SHC2: variants seen among roughly 807,000 people sequenced by gnomAD.
SHC2 encodes the protein SHC-transforming protein 2.
Under a neutral mutation model 60.6 loss-of-function variants are expected in SHC2, and 62 were observed. That is an observed-to-expected ratio of 1.02 (90% CI 0.83 to 1.26). The LOEUF (loss-of-function observed/expected upper bound fraction) is 1.26. Among genes scored for constraint, SHC2 ranks in the 50% most tolerant of loss-of-function variants. The pLI is 0.00. For missense variants in SHC2, 873 were observed against 822.2 expected, an observed-to-expected ratio of 1.06 and a Z score of -0.76; for synonymous variants, 375 against 372.4, an observed-to-expected ratio of 1.01 and a Z score of -0.08.
rs201747989 is a variant in SHC2, at chr19:443,767, C to G, written c.469-2835G>C. 3.1e-4 allele frequency among the ~76,000 whole-genome samples: 23 copies of G among 74,718 alleles called. No individual in the cohort carries two copies. In the East Asian group the frequency reaches 3.6e-3, roughly 12 times the overall value. 49.0% of individuals were successfully genotyped at this position (74,718 alleles called of 152,430 possible). A position where few individuals can be genotyped will look rare whatever the true frequency, so the allele number is the denominator to read the frequency against. On this transcript the variant is annotated intron_variant, in intron 1 of 12. Coordinates refer to ENST00000264554, the MANE Select transcript of SHC2 (RefSeq NM_012435.3). Reference sequence around the variant, plus strand: ...ATGGACGGATGGTTGGATGGGTGGACAGATGGGTGGATGGATGGATGGATG... The same window carrying G: ...ATGGACGGATGGTTGGATGGGTGGAGAGATGGGTGGATGGATGGATGGATG...
At chr19:457,237 C>A (rs1376993750) in intron 1 of SHC2, among the ~76,000 whole-genome samples, 3 of 142,384 alleles carry the variant, frequency 2.1e-5, no homozygotes, top group Non-Finnish European at 4.7e-5. Flanking sequence ...TTTGCACCTG[C>A]ACCTGCTGTG....
intron 1 of SHC2, among the ~76,000 whole-genome samples, chr19:444,281 T>A (rs1471102814): frequency 6.6e-6 from 1 of 152,110 alleles, no homozygotes; most frequent in Non-Finnish European, 1.5e-5. Flanking sequence ...AGCACTGGAT[T>A]CTCCCACTGA....
Position 435,900 on chromosome 19 carries a change from T to C in SHC2, c.953+265A>G, listed in dbSNP as rs936804530. The C allele has an allele frequency of 4.7e-5, 21 of 443,714 alleles. No individual in the cohort carries two copies. In the South Asian group the frequency reaches 6.6e-4, roughly 14 times the overall value. 27.5% of individuals were successfully genotyped at this position (443,714 alleles called of 1,614,324 possible). On this transcript the variant is annotated intron_variant, in intron 7 of 12. Coordinates refer to ENST00000264554, the MANE Select transcript of SHC2 (RefSeq NM_012435.3). ...GCGTCTGGAGGAGGGATATTGGTTG[T>C]AGCAGCAGGGCTGACAGCCTCAGGC...
At position 440,245 on chromosome 19, in the gene SHC2, G is replaced by A. The variant is rs918502885; in HGVS notation, c.539+617C>T. ...GACGGGGAGTGGCTGTGATGGGGAC[G>A]GGGTGTTTTGATGGGGTAATGAGAA... On this transcript the variant is annotated intron_variant, in intron 2 of 12. Transcript: ENST00000264554. The surrounding 1 kb of genome is among the most constrained non-coding windows in gnomAD (Gnocchi z 7.0). 9.9e-5 allele frequency among the ~76,000 whole-genome samples: 15 copies of A among 151,906 alleles called. No homozygotes were observed. The highest frequency in any genetic ancestry group is 1.8e-4 in the Non-Finnish European group (12 of 67,974).
chr19:439,110 GC>G, intron 2 of SHC2, 80 bp from the exon 3 acceptor site: 1 of 508,632 alleles, frequency 2.0e-6, no homozygotes. Context: ...GTCAGAGAGG[GC>G]GGGGGTCTGG....
chr19:427,040 C>T (rs946088937), intron 9 of SHC2, among the ~76,000 whole-genome samples: 1 of 152,168 alleles, frequency 6.6e-6, no homozygotes, highest in Admixed American at 6.5e-5. Flanking sequence ...AGCCCCCGGT[C>T]CGGGGTGAGC....
intron 11 of SHC2, among the ~76,000 whole-genome samples, chr19:421,259 G>T (rs1220071902): frequency 6.6e-6 from 1 of 151,988 alleles, no homozygotes; most frequent in Non-Finnish European, 1.5e-5. Context: ...AATTAGCCGG[G>T]CGTGGTGGTG....
chr19:422,834 A>C lies in SHC2; in HGVS notation c.1310-378T>G. The C allele has an allele frequency of 5.4e-6, 1 of 183,748 alleles. No homozygotes were observed. The highest frequency in any genetic ancestry group is 1.1e-5 in the Non-Finnish European group (1 of 88,950). The allele number at this position is 183,748 out of a possible 1,614,324, so 11.4% of individuals were successfully genotyped here. A position where few individuals can be genotyped will look rare whatever the true frequency, so the allele number is the denominator to read the frequency against. ...TACTGCATTGGCCGCGGGGCCTCCAATGTGCCCTAAATACTCAAGACGACA... is the reference window on the plus strand; with the variant it reads ...TACTGCATTGGCCGCGGGGCCTCCACTGTGCCCTAAATACTCAAGACGACA... On this transcript the variant is annotated intron_variant, in intron 10 of 12. Transcript: ENST00000264554. This position sits in a 1 kb window ranked among gnomAD's most constrained non-coding sequence, Gnocchi z 5.0.
chr19:427,327 G>A (rs886220313), intron 9 of SHC2, among the ~76,000 whole-genome samples: 3 of 152,228 alleles, frequency 2.0e-5, no homozygotes, highest in Admixed American at 6.5e-5. Flanking sequence ...CCGGCGCTCC[G>A]TGACCCGGCA....
At chr19:436,495 C>A (rs750507934) in intron 5 of SHC2, 64 bp from the exon 6 acceptor site, 4 of 1,596,236 alleles carry the variant, frequency 2.5e-6, no homozygotes, top group African/African-American at 1.3e-5. Context: ...CAGCTGCCCA[C>A]CCCAGCAATG....
intron 1 of SHC2, among the ~76,000 whole-genome samples, chr19:456,485 A>T (rs1473502672): frequency 6.6e-6 from 1 of 150,988 alleles, no homozygotes; most frequent in Non-Finnish European, 1.5e-5. Flanking sequence ...GCCCTTCCAG[A>T]CCCTCCTCCT....
intron 2 of SHC2, among the ~76,000 whole-genome samples, chr19:439,784 G>A (rs552256426): frequency 1.3e-5 from 2 of 152,216 alleles, no homozygotes; most frequent in East Asian, 1.9e-4. Context: ...CCAACACTTG[G>A]GGAGGCTGAG....
chr19:426,820 G>A (rs1270347970), intron 9 of SHC2, among the ~76,000 whole-genome samples: 17 of 142,356 alleles, frequency 1.2e-4, no homozygotes, highest in Non-Finnish European at 2.6e-4. Flanking sequence ...ACCGAGAGGG[G>A]CAGAGTCCGG....
At chr19:456,341 TG>T (rs56364526) in intron 1 of SHC2, among the ~76,000 whole-genome samples, 152,086 of 152,086 alleles carry the variant, frequency 1, 76,043 homozygotes, top group Non-Finnish European at 1. Context: ...TCAGGCTCCC[TG>T]GGGGCCAGGG....
At chr19:419,400 C>T (rs1022130536) in intron 11 of SHC2, 6 of 228,430 alleles carry the variant, frequency 2.6e-5, no homozygotes, top group South Asian at 1.5e-4. Flanking sequence ...GGTCCTGGGA[C>T]GAATGCATCC....
In SHC2 at chr19:424,824, T is replaced by C. The variant is rs1166308439; in HGVS notation, c.1309+273A>G. ...AGGGGCTGGGCCTCACCCATTACAC[T>C]GCTCGGCCGCATTCGCTAGAGAGAA... On this transcript the variant is annotated intron_variant, in intron 10 of 12. Coordinates refer to ENST00000264554, the MANE Select transcript of SHC2 (RefSeq NM_012435.3). This position sits in a 1 kb window ranked among gnomAD's most constrained non-coding sequence, Gnocchi z 4.5. 6.6e-6 allele frequency among the ~76,000 whole-genome samples: 1 copy of C among 152,058 alleles called. No homozygotes were observed. The highest frequency in any genetic ancestry group is 1.5e-5 in the Non-Finnish European group (1 of 67,982).
rs1057513720 is a variant in SHC2, at chr19:438,521, G to A, written c.720+197C>T. ...GAGCGCCCCTGTATCAGGACGGCTC[G>A]CCCAGGTGGGAGCCCCTGAGCTGAG... is the stretch of plus-strand genomic sequence containing the variant. On this transcript the variant is annotated intron_variant, in intron 4 of 12. Transcript: ENST00000264554. This position sits in a 1 kb window ranked among gnomAD's most constrained non-coding sequence, Gnocchi z 5.0. Among the ~76,000 whole-genome samples, 12 of 152,166 alleles carry A rather than the reference G, an allele frequency of 7.9e-5. No individual in the cohort carries two copies. Among genetic ancestry groups the A allele is most frequent in the African/African-American group, 2.9e-4 (12 of 41,450 alleles).
chr19:444,851 G>C (rs545868656), intron 1 of SHC2, among the ~76,000 whole-genome samples: 1 of 152,226 alleles, frequency 6.6e-6, no homozygotes, highest in East Asian at 1.9e-4. Context: ...CACTGTGCAC[G>C]TGGTCTGTTA....
chr19:425,039 C>T lies in SHC2; in HGVS notation c.1309+58G>A. ...AGGGAGTGGGGGTGGGGTTGTGCCT[C>T]CCCCATCAGACAACACGGCCACACG... On this transcript the variant is annotated intron_variant, in intron 10 of 12. Transcript: ENST00000264554. The surrounding 1 kb of genome is among the most constrained non-coding windows in gnomAD (Gnocchi z 4.1). The T allele has an allele frequency of 7.5e-7, 1 of 1,332,152 alleles. No individual in the cohort carries two copies. The highest frequency in any genetic ancestry group is 2.5e-5 in the South Asian group (1 of 40,762). 82.5% of individuals were successfully genotyped at this position (1,332,152 alleles called of 1,614,324 possible).
Sources: allele counts gnomAD v4.1 joint callset (sites outside exome capture counted in the v4.1 genomes callset), GRCh38; gene constraint gnomAD v4.1.1; non-coding constraint Gnocchi (gnomAD v3.1); transcripts MANE v1.5; gene names NCBI Gene and HGNC (gene_info 2026-07-23, HGNC 2026-07-21).